The following B3GLCT variants were observed in gnomAD, a reference collection of about 807,000 sequenced individuals.
B3GLCT encodes the protein beta-1,3-glucosyltransferase.
In B3GLCT, 65 loss-of-function variants were observed where a neutral mutation model predicts 63.4. The ratio of observed to expected loss-of-function variants is 1.03; its 90% CI spans 0.84 to 1.26. B3GLCT has a LOEUF of 1.26. Ranked by LOEUF, B3GLCT falls within the 50% of genes most tolerant of loss-of-function variation. The pLI, the probability that B3GLCT is intolerant of heterozygous loss-of-function variation, is 0.00. For synonymous variants in B3GLCT, 233 were observed against 219.2 expected (o/e 1.06, Z -0.55); for missense variants, 577 against 604.8 (o/e 0.95, Z 0.48).
At chr13:31,231,195 G>A (rs1870364501) in intron 4 of B3GLCT, among the ~76,000 whole-genome samples, 2 of 152,064 alleles carry the variant, frequency 1.3e-5, no homozygotes, top group Admixed American at 1.3e-4. Flanking sequence ...GGAGGAGGAG[G>A]AGCCAGGAGC....
At chr13:31,276,481 G>A (rs944960917) in intron 9 of B3GLCT, among the ~76,000 whole-genome samples, 1 of 152,188 alleles carries the variant, frequency 6.6e-6, no homozygotes, top group African/African-American at 2.4e-5. Flanking sequence ...GGGATGCACA[G>A]TCCGTGCACA....
Position 31,237,902 on chromosome 13 carries a change from G to C in B3GLCT, c.270+8608G>C, listed in dbSNP as rs150236253. ...GGGACCCCAACTGTGAAGCATGAAG[G>C]TTGCAGTTTTGGTTTCTTCATCAAT... On this transcript the variant is annotated intron_variant, in intron 4 of 14. Transcript: ENST00000343307. 2.3e-3 allele frequency among the ~76,000 whole-genome samples: 357 copies of C among 152,304 alleles called. 2 individuals are homozygous for C. The highest frequency in any genetic ancestry group is 7.8e-3 in the African/African-American group (326 of 41,566).
chr13:31,261,590 A>G (rs1370152137), intron 7 of B3GLCT, among the ~76,000 whole-genome samples: 1 of 152,212 alleles, frequency 6.6e-6, no homozygotes, highest in Non-Finnish European at 1.5e-5. Flanking sequence ...TATATTCACA[A>G]TGGTGCTCTG....
At chr13:31,232,931 C>G (rs1321290128) in intron 4 of B3GLCT, among the ~76,000 whole-genome samples, 3 of 152,176 alleles carry the variant, frequency 2.0e-5, no homozygotes, top group Non-Finnish European at 2.9e-5. Flanking sequence ...ACTTTCTTCT[C>G]TATTGTAATA....
At chr13:31,262,141 GAT>G (rs1427246943) in intron 7 of B3GLCT, among the ~76,000 whole-genome samples, 1 of 145,994 alleles carries the variant, frequency 6.8e-6, no homozygotes, top group African/African-American at 2.5e-5. Context: ...GCTTCCTGAT[GAT>G]GGCAGAGTCT....
chr13:31,297,693 C>T (rs922055265), intron 12 of B3GLCT, among the ~76,000 whole-genome samples: 1 of 152,128 alleles, frequency 6.6e-6, no homozygotes, highest in South Asian at 2.1e-4. Flanking sequence ...TGCCCTACCA[C>T]CCCATACACC....
At position 31,329,606 on chromosome 13, in the gene B3GLCT, G is replaced by T. The variant is rs114543272; in HGVS notation, c.1435G>T (p.Ala479Ser). 6.2e-7 allele frequency: 1 copy of T among 1,614,182 alleles called. No individual in the cohort carries two copies. The highest frequency in any genetic ancestry group is 2.2e-5 in the East Asian group (1 of 44,872). Residue 479 changes from alanine to serine, a missense_variant, in exon 15 of 15, where the codon GCA (alanine) becomes TCA (serine). Transcript: ENST00000343307. ...DPVKVYFTWL[A>S]PSDEDKARQE... ...AGTGAAGGTGTATTTCACATGGTTG[G>T]CACCCAGTGACGAAGACAAAGCCAG... is the stretch of plus-strand genomic sequence containing the variant.
At chr13:31,248,808 G>A (rs1349844540) in intron 6 of B3GLCT, among the ~76,000 whole-genome samples, 1 of 152,212 alleles carries the variant, frequency 6.6e-6, no homozygotes, top group Admixed American at 6.5e-5. Flanking sequence ...ACACTTAGTA[G>A]GTGGTCAGTG....
intron 1 of B3GLCT, among the ~76,000 whole-genome samples, chr13:31,204,373 T>TC (rs1373983411): frequency 6.6e-6 from 1 of 152,098 alleles, no homozygotes; most frequent in Non-Finnish European, 1.5e-5. Context: ...CAATTAATTA[T>TC]CGGATCCAAA....
chr13:31,323,911 T>C lies in B3GLCT; in HGVS notation c.1329+16T>C. 1.2e-6 allele frequency: 2 copies of C among 1,614,022 alleles called. No homozygotes were observed. Among genetic ancestry groups the C allele is most frequent in the Non-Finnish European group, 8.5e-7 (1 of 1,179,870 alleles). ...CTTCCATCAGGTGAGGAAATGGTTT[T>C]TATTCTTCCCTCATGGCAGGTGAGG... On this transcript the variant is annotated intron_variant, in intron 14 of 14. Coordinates refer to ENST00000343307, the MANE Select transcript of B3GLCT (RefSeq NM_194318.4).
At position 31,292,823 on chromosome 13, in the gene B3GLCT, A is replaced by T. The variant is rs541182421; in HGVS notation, c.1064+6004A>T. Among the ~76,000 whole-genome samples the T allele has an allele frequency of 5.3e-5, 8 of 150,244 alleles. No individual in the cohort carries two copies. The East Asian group carries it at 1.6e-3, about 29-fold the overall frequency. ...CTCTGTCTCCTTCAGTTCTGCTCTG[A>T]TCTTAGTTATTTCTTGTCTTCTGCT... On this transcript the variant is annotated intron_variant, in intron 12 of 14. Transcript: ENST00000343307.
At chr13:31,275,784 GACAC>G (rs142413523) in intron 9 of B3GLCT, among the ~76,000 whole-genome samples, 1 of 151,602 alleles carries the variant, frequency 6.6e-6, no homozygotes, top group African/African-American at 2.4e-5. Context: ...TAAATACATA[GACAC>G]ACACACACAC....
intron 13 of B3GLCT, among the ~76,000 whole-genome samples, chr13:31,321,731 G>T (rs976223931): frequency 6.6e-6 from 1 of 152,198 alleles, no homozygotes; most frequent in Non-Finnish European, 1.5e-5. Context: ...ATTTTGCGTT[G>T]TTTGGAGCAT....
chr13:31,283,024 G>A (rs1261045310), intron 10 of B3GLCT: 2 of 152,200 alleles, frequency 1.3e-5, no homozygotes, highest in Non-Finnish European at 2.9e-5. Context: ...GAAAGCAAAA[G>A]TGCTAACTCA....
chr13:31,237,825 G>A (rs965774109), intron 4 of B3GLCT, among the ~76,000 whole-genome samples: 1 of 152,170 alleles, frequency 6.6e-6, no homozygotes, highest in Non-Finnish European at 1.5e-5. Flanking sequence ...TGGTGTGGCA[G>A]GTATGCACCG....
chr13:31,231,749 A>AT (rs1870390586), intron 4 of B3GLCT, among the ~76,000 whole-genome samples: 1 of 152,164 alleles, frequency 6.6e-6, no homozygotes, highest in African/African-American at 2.4e-5. Context: ...AGCAATAGAA[A>AT]TTATAAAGTA....
chr13:31,316,231 C>T (rs1462006852), intron 12 of B3GLCT, among the ~76,000 whole-genome samples: 8 of 151,176 alleles, frequency 5.3e-5, no homozygotes, highest in South Asian at 2.1e-4. Flanking sequence ...AATCCAGTGA[C>T]GGCTTCCTCT....
intron 1 of B3GLCT, among the ~76,000 whole-genome samples, chr13:31,212,978 T>A (rs1314698361): frequency 6.8e-6 from 1 of 146,494 alleles, no homozygotes; most frequent in Non-Finnish European, 1.5e-5. Context: ...TGCAGTTTAA[T>A]CTCTCCTTTC....
intron 11 of B3GLCT, among the ~76,000 whole-genome samples, chr13:31,286,470 C>T (rs1004490068): frequency 6.6e-6 from 1 of 152,060 alleles, no homozygotes; most frequent in African/African-American, 2.4e-5. Flanking sequence ...CTGTGTAATT[C>T]CACTCATCTC....
Sources: allele counts gnomAD v4.1 joint callset (sites outside exome capture counted in the v4.1 genomes callset), GRCh38; gene constraint gnomAD v4.1.1; transcripts MANE v1.5; gene names NCBI Gene and HGNC (gene_info 2026-07-23, HGNC 2026-07-21).